RIC1: variants seen among roughly 807,000 people sequenced by gnomAD.
The protein encoded by RIC1 is guanine nucleotide exchange factor subunit RIC1.
A neutral mutation model predicts 169.0 loss-of-function variants in RIC1; 88 were observed. The observed-to-expected ratio is 0.52, with a 90% CI of 0.44 to 0.62. The LOEUF is 0.62. RIC1 is among the 20% of genes least tolerant of loss of function. The pLI is 0.00. For missense variants in RIC1, 1,877 were observed against 1,725.5 expected, an observed-to-expected ratio of 1.09 and a Z score of -1.56; for synonymous variants, 790 against 601.5, an observed-to-expected ratio of 1.31 and a Z score of -4.59.
intron 21 of RIC1, 53 bp from the exon 22 acceptor site, chr9:5,768,917 T>C: frequency 6.5e-7 from 1 of 1,541,894 alleles, no homozygotes; most frequent in East Asian, 2.3e-5. Flanking sequence ...AATAAGGATG[T>C]GAAATCCTCC....
chr9:5,717,226 T>G (rs148574370), intron 4 of RIC1, among the ~76,000 whole-genome samples: 2 of 152,294 alleles, frequency 1.3e-5, no homozygotes, highest in African/African-American at 4.8e-5. Flanking sequence ...TTATAGAGAT[T>G]ATGAACTCTT....
At chr9:5,772,361 C>T (rs1372650524) in intron 23 of RIC1, among the ~76,000 whole-genome samples, 1 of 152,146 alleles carries the variant, frequency 6.6e-6, no homozygotes, top group East Asian at 1.9e-4. Flanking sequence ...GTATATTTTT[C>T]CATCTAAAGG....
At chr9:5,759,500 T>TTG (rs1413995277) in intron 17 of RIC1, among the ~76,000 whole-genome samples, 1 of 152,186 alleles carries the variant, frequency 6.6e-6, no homozygotes, top group Non-Finnish European at 1.5e-5. Flanking sequence ...TAAAAGTCAT[T>TTG]TGTGAGGCAA....
In RIC1 at chr9:5,729,522, A is replaced by G. The variant is rs1030185551; in HGVS notation, c.721-2866A>G. ...TGCTTTCCAGCTTCTAAAATTTTCT[A>G]ATGCCGCCTCCTATTATTTTTGTCT... On this transcript the variant is annotated intron_variant, in intron 6 of 25. Transcript: ENST00000414202. Among the ~76,000 whole-genome samples the G allele has an allele frequency of 3.0e-4, 46 of 152,146 alleles. 1 individual carries two copies. The highest frequency in any genetic ancestry group is 1.8e-3 in the Admixed American group (27 of 15,276).
intron 1 of RIC1, among the ~76,000 whole-genome samples, chr9:5,646,351 T>C (rs1421351230): frequency 6.6e-6 from 1 of 152,158 alleles, no homozygotes; most frequent in Non-Finnish European, 1.5e-5. Context: ...TTATGCTCCA[T>C]GTAATGGCAG....
intron 4 of RIC1, among the ~76,000 whole-genome samples, chr9:5,718,828 C>T (rs1027555357): frequency 1.7e-4 from 26 of 152,100 alleles, no homozygotes; most frequent in African/African-American, 6.0e-4. Context: ...GGTAAAGAAA[C>T]ATCTGTTTCT....
chr9:5,643,398 T>G (rs746211504), intron 1 of RIC1, among the ~76,000 whole-genome samples: 3 of 152,188 alleles, frequency 2.0e-5, no homozygotes, highest in Non-Finnish European at 4.4e-5. Context: ...TGTATACTAT[T>G]TAAATTTTGA....
rs1034330574 is a variant in RIC1 at position 5,738,377 on chromosome 9, A to G, written c.813-73A>G. The G allele has an allele frequency of 6.9e-6, 7 of 1,016,474 alleles. No individual in the cohort carries two copies. The East Asian group carries it at 7.6e-5, about 11-fold the overall frequency. The allele number at this position is 1,016,474 out of a possible 1,614,324, so 63.0% of individuals were successfully genotyped here. On this transcript the variant is annotated intron_variant, in intron 7 of 25. Transcript: ENST00000414202. Reference sequence around the variant, plus strand: ...GTTTACACTCCCACCAGCAAAACATAAGAGTTCTATAATGCTTTTTCTATT... The same window carrying G: ...GTTTACACTCCCACCAGCAAAACATGAGAGTTCTATAATGCTTTTTCTATT...
At chr9:5,708,935 T>A (rs1822763581) in intron 3 of RIC1, among the ~76,000 whole-genome samples, 1 of 152,116 alleles carries the variant, frequency 6.6e-6, no homozygotes, top group Non-Finnish European at 1.5e-5. Flanking sequence ...TCTTTTTTCC[T>A]ATTTCTTGGA....
At chr9:5,750,026 C>T (rs2131018313) in intron 12 of RIC1, among the ~76,000 whole-genome samples, 1 of 152,122 alleles carries the variant, frequency 6.6e-6, no homozygotes, top group African/African-American at 2.4e-5. Flanking sequence ...ATCCACCTGC[C>T]TCAGCCTCCC....
At position 5,745,047 on chromosome 9, in the gene RIC1, T is replaced by G. The variant is rs193193761; in HGVS notation, c.1096-884T>G. Among the ~76,000 whole-genome samples the G allele has an allele frequency of 1.8e-4, 28 of 152,268 alleles. No homozygotes were observed. In the East Asian group the frequency reaches 5.4e-3, roughly 29 times the overall value. On this transcript the variant is annotated intron_variant, in intron 10 of 25. Coordinates refer to ENST00000414202, the MANE Select transcript of RIC1 (RefSeq NM_020829.4). Reference sequence around the variant, plus strand: ...ACCCCTTCTGATGTCTTTGCCCACCTCCATAGTTTAAAATAAGTTTTCACC... The same window carrying G: ...ACCCCTTCTGATGTCTTTGCCCACCGCCATAGTTTAAAATAAGTTTTCACC...
At chr9:5,693,052 T>G (rs1364373549) in intron 3 of RIC1, among the ~76,000 whole-genome samples, 1 of 152,088 alleles carries the variant, frequency 6.6e-6, no homozygotes, top group Admixed American at 6.5e-5. Context: ...CAACCCTGTT[T>G]ATGCTCCATC....
intron 7 of RIC1, among the ~76,000 whole-genome samples, chr9:5,735,177 T>G (rs1223300975): frequency 1.3e-5 from 2 of 152,080 alleles, no homozygotes; most frequent in African/African-American, 4.8e-5. Context: ...TAGAATATCC[T>G]GCATCCTAGA....
chr9:5,656,421 G>C (rs1819101843), intron 1 of RIC1, among the ~76,000 whole-genome samples, 162 bp from the exon 2 acceptor site: 1 of 151,934 alleles, frequency 6.6e-6, no homozygotes, highest in Non-Finnish European at 1.5e-5. Flanking sequence ...CTTTGTTTTG[G>C]TTGATATGCT....
downstream of RIC1, among the ~76,000 whole-genome samples, chr9:5,778,021 G>T (rs913371886): frequency 6.6e-6 from 1 of 152,116 alleles, no homozygotes; most frequent in Admixed American, 6.5e-5. Flanking sequence ...TTTCATAAGC[G>T]TTGTATTCAT....
chr9:5,733,600 C>T (rs988711115), intron 7 of RIC1, among the ~76,000 whole-genome samples: 1 of 152,008 alleles, frequency 6.6e-6, no homozygotes, highest in Non-Finnish European at 1.5e-5. Flanking sequence ...ACATAAATCA[C>T]TTTCATTACA....
rs180920182 is a variant in RIC1, at chr9:5,765,652, G to A, written c.3001-10G>A. On this transcript the variant is annotated splice_polypyrimidine_tract_variant and intron_variant, in intron 20 of 25. Transcript: ENST00000414202. ...TCTCTAATGGTACTGCATATGGTGT[G>A]TAATCCTAGGAACCCAGTTCAAGTG... 64 of 1,614,072 alleles carry A rather than the reference G, an allele frequency of 4.0e-5. No individual in the cohort carries two copies. In the East Asian group the frequency reaches 1.2e-3, roughly 29 times the overall value.
intron 3 of RIC1, among the ~76,000 whole-genome samples, chr9:5,696,302 AT>A (rs1253859754): frequency 6.6e-6 from 1 of 151,734 alleles, no homozygotes; most frequent in Non-Finnish European, 1.5e-5. Flanking sequence ...CTGGCCTGGC[AT>A]TTAGAACCTA....
chr9:5,743,483 G>C (rs1825198018), intron 9 of RIC1, among the ~76,000 whole-genome samples: 1 of 152,024 alleles, frequency 6.6e-6, no homozygotes, highest in South Asian at 2.1e-4. Context: ...CATATCTCTG[G>C]CAAGAAGTCA....
Sources: allele counts gnomAD v4.1 joint callset (sites outside exome capture counted in the v4.1 genomes callset), GRCh38; gene constraint gnomAD v4.1.1; transcripts MANE v1.5; gene names NCBI Gene and HGNC (gene_info 2026-07-23, HGNC 2026-07-21).